Variants in LMAN1L observed in about 807,000 individuals in gnomAD.
The protein encoded by LMAN1L is lectin, mannose binding 1 like.
A neutral mutation model predicts 58.3 loss-of-function variants in LMAN1L; 60 were observed. The ratio of observed to expected loss-of-function variants is 1.03; its 90% CI spans 0.84 to 1.27. The LOEUF is 1.27. Ranked by LOEUF, LMAN1L falls within the 50% of genes most tolerant of loss-of-function variation. The pLI, the probability that LMAN1L is intolerant of heterozygous loss-of-function variation, is 0.00. For synonymous variants in LMAN1L, 280 were observed against 271.6 expected (o/e 1.03, Z -0.31); for missense variants, 629 against 674.0 (o/e 0.93, Z 0.74).
intron 9 of LMAN1L, 50 bp from the exon 10 acceptor site, chr15:74,821,779 G>A (rs764045526): frequency 4.0e-6 from 5 of 1,245,138 alleles, no homozygotes; most frequent in South Asian, 2.5e-5. Flanking sequence ...GTGGGGAAGA[G>A]GGGAGGGGAC....
Position 74,825,616 on chromosome 15 carries a change from A to G in LMAN1L, c.*11A>G. ...AGCATGCCTGCCTGACCCACCTCAGAGCCTGCTTTGCATCACTGGGAAGCA... is the reference window on the plus strand; with the variant it reads ...AGCATGCCTGCCTGACCCACCTCAGGGCCTGCTTTGCATCACTGGGAAGCA... On this transcript the variant is annotated 3_prime_UTR_variant, in exon 14 of 14. Coordinates refer to ENST00000309664, the MANE Select transcript of LMAN1L (RefSeq NM_021819.3). 1 of 1,606,758 alleles carries G rather than the reference A, an allele frequency of 6.2e-7. No homozygotes were observed. The highest frequency in any genetic ancestry group is 8.5e-7 in the Non-Finnish European group (1 of 1,175,770).
Position 74,813,008 on chromosome 15 carries a change from C to A in LMAN1L, c.154C>A (p.Pro52Thr). 2 of 1,613,636 alleles carry A rather than the reference C, an allele frequency of 1.2e-6. No homozygotes were observed. The highest frequency in any genetic ancestry group is 2.2e-5 in the South Asian group (2 of 90,982). ...PRLALPGAGIPFWSHHGDAIL... is the reference protein window; with the variant it reads ...PRLALPGAGITFWSHHGDAIL... ...GCTGGCATTGCCTGGGGCTGGAATA[C>A]CCTTCTGGAGCCATCATGGAGGTGA... The change falls in exon 1 of 14, where the codon CCC (proline) becomes ACC (threonine). Residue 52 changes from proline to threonine, a missense_variant. Transcript: ENST00000309664.
In LMAN1L at chr15:74,816,619, C is replaced by T. The variant is rs1335231275; in HGVS notation, c.439-13C>T. On this transcript the variant is annotated splice_polypyrimidine_tract_variant and intron_variant, in intron 3 of 13. Coordinates refer to ENST00000309664, the MANE Select transcript of LMAN1L (RefSeq NM_021819.3). ...CATGTCCGCGGCTCAGGCTGCTTCT[C>T]ACCTCCCTGCAGGACAGTCCTGCCA... 1.2e-6 allele frequency: 2 copies of T among 1,611,822 alleles called. No homozygotes were observed. The highest frequency in any genetic ancestry group is 2.7e-5 in the African/African-American group (2 of 74,864).
intron 10 of LMAN1L, 88 bp from the exon 11 acceptor site, chr15:74,822,554 G>A: frequency 9.6e-7 from 1 of 1,040,868 alleles, no homozygotes; most frequent in South Asian, 1.3e-5. Context: ...CCTCTGGAAG[G>A]AAGAGGCTGC....
Position 74,821,057 on chromosome 15 carries a change from C to G in LMAN1L, c.908-18C>G, listed in dbSNP as rs982543976. Reference sequence around the variant, plus strand: ...CACCATGGCTGGCTGCCCATCCCAGCTCTGCCCTAATCCCCAGGGGAAAGG... The same window carrying G: ...CACCATGGCTGGCTGCCCATCCCAGGTCTGCCCTAATCCCCAGGGGAAAGG... On this transcript the variant is annotated intron_variant, in intron 8 of 13. Transcript: ENST00000309664. The G allele has an allele frequency of 3.8e-6, 6 of 1,563,752 alleles. No homozygotes were observed. Among genetic ancestry groups the G allele is most frequent in the Non-Finnish European group, 5.2e-6 (6 of 1,154,426 alleles).
chr15:74,819,045 C>T, intron 5 of LMAN1L, 107 bp from the exon 6 acceptor site: 1 of 1,360,484 alleles, frequency 7.4e-7, no homozygotes, highest in Non-Finnish European at 1.0e-6. Flanking sequence ...ACCTCCATGC[C>T]ATTCTGATAC....
At chr15:74,822,265 C>A (rs769193415) in intron 10 of LMAN1L, among the ~76,000 whole-genome samples, 2 of 152,178 alleles carry the variant, frequency 1.3e-5, no homozygotes. Flanking sequence ...ACTTGGGAGG[C>A]TGAGGCAGAA....
intron 12 of LMAN1L, 171 bp downstream of exon 12, chr15:74,823,853 G>A (rs140052275): frequency 7.5e-5 from 50 of 665,554 alleles, no homozygotes; most frequent in Middle Eastern, 4.2e-4. Flanking sequence ...CCGTGCATAC[G>A]TGCCACCACA....
chr15:74,813,180 C>T (rs2063873622), intron 1 of LMAN1L, 151 bp downstream of exon 1: 7 of 832,538 alleles, frequency 8.4e-6, no homozygotes, highest in East Asian at 2.6e-5. Flanking sequence ...GGACCCCTTC[C>T]AGGCTTGTCT....
At chr15:74,823,769 A>AGCGCTCCTGCCTTT in intron 12 of LMAN1L, 87 bp downstream of exon 12, 3 of 1,516,798 alleles carry the variant, frequency 2.0e-6, no homozygotes, top group Non-Finnish European at 2.7e-6. Flanking sequence ...AGCAGCCCCA[A>AGCGCTCCTGCCTTT]GCCCTCCTGC....
chr15:74,818,027 AAAG>A (rs1432865725), intron 4 of LMAN1L, among the ~76,000 whole-genome samples: 5 of 149,776 alleles, frequency 3.3e-5, no homozygotes, highest in African/African-American at 9.8e-5. Context: ...AAAAAAAAAA[AAAG>A]AGAGAGAGAA....
In LMAN1L at chr15:74,812,844, G is replaced by A; in HGVS notation, c.-11G>A. ...ATCTACCCCGGGGCCCAGACTTCAGGCGCCTTCACGATGCCGGCGGTCAGT... is the reference window on the plus strand; with the variant it reads ...ATCTACCCCGGGGCCCAGACTTCAGACGCCTTCACGATGCCGGCGGTCAGT... On this transcript the variant is annotated 5_prime_UTR_variant, in exon 1 of 14. Coordinates refer to ENST00000309664, the MANE Select transcript of LMAN1L (RefSeq NM_021819.3). 1 of 1,584,896 alleles carries A rather than the reference G, an allele frequency of 6.3e-7. No individual in the cohort carries two copies. Among genetic ancestry groups the A allele is most frequent in the Non-Finnish European group, 8.6e-7 (1 of 1,163,338 alleles).
rs748042560 is a variant in LMAN1L, at chr15:74,824,406, G to C, written c.1379G>C (p.Cys460Ser). ...PPGQPPRASS[C>S]LQPGIFLFYL... is the part of the protein sequence containing the mutation. ...GGCCAGCCCCCAAGGGCCTCCTCGT[G>C]CCTGCAGCCTGGCATCTTCCTGTTC... The change falls in exon 13 of 14, where the codon TGC (cysteine) becomes TCC (serine). Residue 460 changes from cysteine to serine, a missense_variant. Around this residue, in one of 3 missense-constraint regions of LMAN1L, gnomAD observed 573 missense variants for 597.3 expected, o/e 0.96. Transcript: ENST00000309664. The C allele has an allele frequency of 6.8e-6, 11 of 1,613,958 alleles. No homozygotes were observed. The African/African-American group carries it at 1.5e-4, about 22-fold the overall frequency.
rs781652776 is a variant in LMAN1L, at chr15:74,814,366, G to GTTTTT, written c.175+1338_175+1342dup. Among the ~76,000 whole-genome samples, 46 of 71,402 alleles carry GTTTTT rather than the reference G, an allele frequency of 6.4e-4. 3 individuals are homozygous for GTTTTT. The highest frequency in any genetic ancestry group is 9.0e-4 in the African/African-American group (22 of 24,538). The allele number at this position is 71,402 out of a possible 152,430, so 46.8% of individuals were successfully genotyped here. Reference sequence around the variant, plus strand: ...GTGCCACCACACGCAGCTAATTTTTGTTTTTGTTTTTGTTTTTTTTTTTTT... The same window carrying GTTTTT: ...GTGCCACCACACGCAGCTAATTTTTGTTTTTTTTTTGTTTTTGTTTTTTTTTTTTT... On this transcript the variant is annotated intron_variant, in intron 1 of 13. Coordinates refer to ENST00000309664, the MANE Select transcript of LMAN1L (RefSeq NM_021819.3).
chr15:74,816,076 G>T (rs2063888609), intron 1 of LMAN1L, 81 bp from the exon 2 acceptor site: 1 of 1,471,130 alleles, frequency 6.8e-7, no homozygotes, highest in Admixed American at 2.2e-5. Flanking sequence ...TCTTCCGGGA[G>T]CCCAGCCCGG....
At chr15:74,823,971 A>G (rs2063929539) in intron 12 of LMAN1L, 6 of 511,916 alleles carry the variant, frequency 1.2e-5, no homozygotes, top group Non-Finnish European at 2.1e-5. Context: ...CAGAGGGGAA[A>G]CAGGGTGGGC....
Position 74,824,411 on chromosome 15 carries a change from C to T in LMAN1L, c.1384C>T (p.Gln462Ter). The T allele has an allele frequency of 6.2e-7, 1 of 1,614,006 alleles. No homozygotes were observed. The highest frequency in any genetic ancestry group is 8.5e-7 in the Non-Finnish European group (1 of 1,179,812). ...GCCCCCAAGGGCCTCCTCGTGCCTG[C>T]AGCCTGGCATCTTCCTGTTCTACCT... ...GQPPRASSCL[Q>*]PGIFLFYLLI... The change falls in exon 13 of 14, where the codon CAG (glutamine) becomes TAG (stop). Residue 462 changes from glutamine to a stop codon, truncating the protein, a stop_gained. Coordinates refer to ENST00000309664, the MANE Select transcript of LMAN1L (RefSeq NM_021819.3). LOFTEE classifies it high-confidence loss of function.
At chr15:74,818,068 G>A (rs910174879) in intron 4 of LMAN1L, among the ~76,000 whole-genome samples, 27 of 151,538 alleles carry the variant, frequency 1.8e-4, no homozygotes, top group Admixed American at 1.2e-3. Flanking sequence ...GTGATAGGAC[G>A]AGGGTGATAG....
chr15:74,821,311 A>G, intron 9 of LMAN1L, 85 bp downstream of exon 9: 1 of 1,426,042 alleles, frequency 7.0e-7, no homozygotes, highest in Non-Finnish European at 9.4e-7. Context: ...GTCTCCCCTA[A>G]GGCCTGGAGG....
Sources: allele counts gnomAD v4.1 joint callset (sites outside exome capture counted in the v4.1 genomes callset), GRCh38; gene constraint gnomAD v4.1.1; regional missense constraint gnomAD v4.1.1; transcripts MANE v1.5; gene names NCBI Gene and HGNC (gene_info 2026-07-23, HGNC 2026-07-21).